ERCC5: variants seen among roughly 807,000 people sequenced by gnomAD.
ERCC5 encodes the protein ERCC excision repair 5, endonuclease, also known as DNA excision repair protein ERCC-5.
In ERCC5, 68 loss-of-function variants were observed where a neutral mutation model predicts 105.6. The ratio of observed to expected loss-of-function variants is 0.64; its 90% CI spans 0.53 to 0.79. ERCC5 has a LOEUF of 0.79. Among genes scored for constraint, ERCC5 ranks in the 30% least tolerant of loss-of-function variants. The pLI is 0.00. For missense variants in ERCC5, 1,373 were observed against 1,426.7 expected, an observed-to-expected ratio of 0.96 and a Z score of 0.61; for synonymous variants, 546 against 526.2, an observed-to-expected ratio of 1.04 and a Z score of -0.51.
chr13:102,855,991 A>G (rs1882402051), intron 4 of ERCC5, 61 bp from the exon 5 acceptor site: 8 of 1,533,426 alleles, frequency 5.2e-6, no homozygotes, highest in Non-Finnish European at 7.2e-6. Flanking sequence ...CTTGCATACA[A>G]GTATTTTTGT....
At chr13:102,860,414 G>A (rs1024645822) in intron 6 of ERCC5, among the ~76,000 whole-genome samples, 49 of 152,174 alleles carry the variant, frequency 3.2e-4, no homozygotes, top group African/African-American at 1.0e-3. Context: ...TGCTCAGTTA[G>A]GATGGAAAAG....
Position 102,862,173 on chromosome 13 carries a change from C to A in ERCC5, c.1024C>A (p.Pro342Thr), listed in dbSNP as rs372910916. The change falls in exon 8 of 15, where the codon CCA (proline) becomes ACA (threonine). Residue 342 changes from proline (P) to threonine (T), a missense_variant. By Grantham distance (38) the Pro-to-Thr change is conservative (BLOSUM62 -1). This residue lies in a region of ERCC5 where 1,004 missense variants were observed against 1,059.7 expected (regional missense o/e 0.95). Transcript: ENST00000652225. ...AGAGCCTGATGCTACCCCTCCTTCT[C>A]CAAGAACTTTACTAGCTATGCAAGC... The part of the protein sequence containing the change: ...EKEPDATPPS[P>T]RTLLAMQAAL... 6.2e-7 allele frequency: 1 copy of A among 1,614,062 alleles called. No individual in the cohort carries two copies. The highest frequency in any genetic ancestry group is 8.5e-7 in the Non-Finnish European group (1 of 1,180,038).
Position 102,875,802 on chromosome 13 carries a change from G to A in ERCC5, c.3460G>A (p.Asp1154Asn), listed in dbSNP as rs760309416. 7.4e-6 allele frequency: 12 copies of A among 1,613,926 alleles called. No homozygotes were observed. Among genetic ancestry groups the A allele is most frequent in the East Asian group, 6.7e-5 (3 of 44,898 alleles). Reference protein sequence around the residue: ...TTSSSSDSDDDGGKEKMVLVT... With the variant: ...TTSSSSDSDDNGGKEKMVLVT... ...CAGCAGCTCTAGTGATAGTGATGAC[G>A]ATGGAGGGAAAGAGAAGATGGTCCT... The change falls in exon 15 of 15, where the codon GAT becomes AAT. Residue 1154 changes from aspartate to asparagine, a missense_variant. By Grantham distance (23) the Asp-to-Asn change is conservative. Coordinates refer to ENST00000652225, the MANE Select transcript of ERCC5 (RefSeq NM_000123.4).
In ERCC5 at chr13:102,861,664, A is replaced by C; in HGVS notation, c.830A>C (p.Glu277Ala). ...GAAGGGGGCTTTCTGAAGGAGGTAGAGTCAAGGAGAGTGGTCTCTGAAGAC... is the reference window on the plus strand; with the variant it reads ...GAAGGGGGCTTTCTGAAGGAGGTAGCGTCAAGGAGAGTGGTCTCTGAAGAC... ...EDEGGFLKEV[E>A]SRRVVSEDTS... Residue 277 changes from glutamate to alanine, a missense_variant, in exon 7 of 15, where the codon GAG becomes GCG. Around this residue, in one of 3 missense-constraint regions of ERCC5, gnomAD observed 1,004 missense variants for 1,059.7 expected, o/e 0.95. Coordinates refer to ENST00000652225, the MANE Select transcript of ERCC5 (RefSeq NM_000123.4). 6.2e-7 allele frequency: 1 copy of C among 1,614,170 alleles called. No individual in the cohort carries two copies. Among genetic ancestry groups the C allele is most frequent in the South Asian group, 1.1e-5 (1 of 91,084 alleles).
In ERCC5 at chr13:102,853,795, C is replaced by G. The variant is rs150741329; in HGVS notation, c.303C>G (p.Asp101Glu). 3 of 1,614,066 alleles carry G rather than the reference C, an allele frequency of 1.9e-6. No homozygotes were observed. Among genetic ancestry groups the G allele is most frequent in the Non-Finnish European group, 2.5e-6 (3 of 1,180,034 alleles). ...AGAGAAAGGACTTAGCGTCCAGTGA[C>G]TCCAGGAAAACGACAGAGAAGCTTC... ...RRQRKDLASS[D>E]SRKTTEKLLK... Residue 101 changes from aspartate to glutamate, a missense_variant, in exon 3 of 15, where the codon GAC (aspartate) becomes GAG (glutamate). This residue lies in a region of ERCC5 where 1,004 missense variants were observed against 1,059.7 expected (regional missense o/e 0.95). Coordinates refer to ENST00000652225, the MANE Select transcript of ERCC5 (RefSeq NM_000123.4).
intron 12 of ERCC5, among the ~76,000 whole-genome samples, chr13:102,869,940 C>G (rs902978116): frequency 2.0e-5 from 3 of 152,184 alleles, no homozygotes; most frequent in South Asian, 4.1e-4. Context: ...GAATCATTTT[C>G]ATATTTGAGC....
At chr13:102,863,508 C>A (rs1350772769) in intron 8 of ERCC5, among the ~76,000 whole-genome samples, 6 of 151,932 alleles carry the variant, frequency 3.9e-5, no homozygotes, top group African/African-American at 1.5e-4. Context: ...TCTCTGTGGC[C>A]CTCTATATGT....
At chr13:102,846,390 G>T in intron 1 of ERCC5, 36 bp downstream of exon 1, 1 of 1,578,478 alleles carries the variant, frequency 6.3e-7, no homozygotes, top group Non-Finnish European at 8.7e-7. Flanking sequence ...TGGGGTGCAG[G>T]GATTCGGGGC....
chr13:102,862,478 T>C lies in ERCC5; in HGVS notation c.1329T>C (p.Thr443=). The C allele has an allele frequency of 6.2e-7, 1 of 1,614,028 alleles. No individual in the cohort carries two copies. Among genetic ancestry groups the C allele is most frequent in the Non-Finnish European group, 8.5e-7 (1 of 1,180,030 alleles). ...GAGATGGAAAAGGAATACCGTTTAC[T>C]GCAACACTTGCGTCATCTAGTGTGA... The part of the protein sequence containing the change: ...KVRDGKGIPF[T]ATLASSSVNS... Residue 443 remains threonine (T), a synonymous_variant, in exon 8 of 15, where the codon ACT becomes ACC. Coordinates refer to ENST00000652225, the MANE Select transcript of ERCC5 (RefSeq NM_000123.4).
rs151199206 is a variant in ERCC5, at chr13:102,846,087, T to G, written c.-180T>G. On this transcript the variant is annotated 5_prime_UTR_variant, in exon 1 of 15. Transcript: ENST00000652225. ...GTGTTGCAGCCAGAGTCTCTCCGCT[T>G]TAATGCGCTCCCATTAGTGCCGTCC... 37 of 601,810 alleles carry G rather than the reference T, an allele frequency of 6.1e-5. No homozygotes were observed. The highest frequency in any genetic ancestry group is 7.6e-4 in the Middle Eastern group (2 of 2,616). The allele number at this position is 601,810 out of a possible 1,614,324, so 37.3% of individuals were successfully genotyped here.
chr13:102,849,231 A>G (rs1437035310), intron 1 of ERCC5: 1 of 518,668 alleles, frequency 1.9e-6, no homozygotes, highest in East Asian at 5.4e-5. Flanking sequence ...GGTCTCCACC[A>G]CTACTGTCTG....
At chr13:102,858,794 A>G (rs1882518086) in intron 6 of ERCC5, 1 of 427,232 alleles carries the variant, frequency 2.3e-6, no homozygotes, top group Admixed American at 2.5e-5. Flanking sequence ...TACTGACTCA[A>G]TTCTTAGGTT....
At chr13:102,850,343 CTG>C (rs1882159310) in intron 1 of ERCC5, among the ~76,000 whole-genome samples, 1 of 152,072 alleles carries the variant, frequency 6.6e-6, no homozygotes, top group East Asian at 1.9e-4. Flanking sequence ...GAGGGAGAAA[CTG>C]TTTCAGGCAG....
Position 102,862,640 on chromosome 13 carries a change from A to G in ERCC5, c.1491A>G (p.Arg497=). 6.2e-7 allele frequency: 1 copy of G among 1,614,184 alleles called. No homozygotes were observed. Among genetic ancestry groups the G allele is most frequent in the African/African-American group, 1.3e-5 (1 of 75,038 alleles). The change falls in exon 8 of 15, where the codon AGA becomes AGG. Residue 497 remains arginine (R), a synonymous_variant. Transcript: ENST00000652225. ...PISDESMIKD[R]KDRLPLESAV... is the part of the protein sequence containing the mutation. ...GTGATGAGTCTATGATTAAGGACAGAAAAGATCGGCTGCCTCTGGAGAGTG... is the reference window on the plus strand; with the variant it reads ...GTGATGAGTCTATGATTAAGGACAGGAAAGATCGGCTGCCTCTGGAGAGTG...
chr13:102,861,390 C>T, intron 6 of ERCC5, 117 bp from the exon 7 acceptor site: 2 of 1,026,788 alleles, frequency 1.9e-6, no homozygotes, highest in South Asian at 2.9e-5. Flanking sequence ...TATGAAACTA[C>T]CATCAATGAA....
In ERCC5 at chr13:102,865,923, A is replaced by T. The variant is rs748147619; in HGVS notation, c.2199+12A>T. 6.2e-7 allele frequency: 1 copy of T among 1,614,128 alleles called. No homozygotes were observed. The highest frequency in any genetic ancestry group is 8.5e-7 in the Non-Finnish European group (1 of 1,180,028). ...AAGATATTAATTTGGTAATACCGTA[A>T]CATTGTGTTTCGACTTCTTGCTGAG... is the stretch of plus-strand genomic sequence containing the variant. On this transcript the variant is annotated intron_variant, in intron 9 of 14. Transcript: ENST00000652225. This position sits in a 1 kb window ranked among gnomAD's most constrained non-coding sequence, Gnocchi z 4.0.
At chr13:102,851,999 A>T in intron 1 of ERCC5, 119 bp from the exon 2 acceptor site, 3 of 1,196,642 alleles carry the variant, frequency 2.5e-6, no homozygotes, top group Non-Finnish European at 3.6e-6. Flanking sequence ...TTTCAATTTT[A>T]AATGAATAGT....
chr13:102,868,393 G>A, intron 12 of ERCC5, 136 bp downstream of exon 12: 1 of 1,259,416 alleles, frequency 7.9e-7, no homozygotes, highest in East Asian at 2.5e-5. Context: ...AGAAAGTATT[G>A]GTTGTTTTCC....
In ERCC5 at chr13:102,856,153, T is replaced by TTCA. The variant is rs551907144; in HGVS notation, c.528+42_528+43insCAT. On this transcript the variant is annotated intron_variant, in intron 5 of 14. Coordinates refer to ENST00000652225, the MANE Select transcript of ERCC5 (RefSeq NM_000123.4). ...TTGAATTCAGAATGTATTCTGTTATTTGAAATGAATGACATGAAAATGAAT... is the reference window on the plus strand; with the variant it reads ...TTGAATTCAGAATGTATTCTGTTATTTCATGAAATGAATGACATGAAAATGAAT... 7.4e-4 allele frequency: 1,170 copies of TTCA among 1,574,116 alleles called. 5 individuals carry two copies. In the African/African-American group the frequency reaches 0.014, roughly 19 times the overall value.
Sources: allele counts gnomAD v4.1 joint callset (sites outside exome capture counted in the v4.1 genomes callset), GRCh38; gene constraint gnomAD v4.1.1; regional missense constraint gnomAD v4.1.1; non-coding constraint Gnocchi (gnomAD v3.1); transcripts MANE v1.5; gene names NCBI Gene and HGNC (gene_info 2026-07-23, HGNC 2026-07-21).